The following PIP5K1B variants were observed in gnomAD, a reference collection of about 807,000 sequenced individuals.
PIP5K1B encodes phosphatidylinositol 4-phosphate 5-kinase type-1 beta.
In PIP5K1B, 42 loss-of-function variants were observed where a neutral mutation model predicts 67.0. That is an observed-to-expected ratio of 0.63 (90% confidence interval 0.49 to 0.81). The LOEUF is 0.81. Among genes scored for constraint, PIP5K1B ranks in the 30% least tolerant of loss-of-function variants. The pLI, the probability that PIP5K1B is intolerant of heterozygous loss-of-function variation, is 0.00. For missense variants in PIP5K1B, 459 were observed against 646.3 expected (o/e 0.71, Z 3.14); for synonymous variants, 214 against 231.4 (o/e 0.92, Z 0.68).
chr9:68,792,449 CAT>C (rs953129198), intron 2 of PIP5K1B, among the ~76,000 whole-genome samples: 6 of 131,646 alleles, frequency 4.6e-5, no homozygotes, highest in Admixed American at 1.6e-4. Context: ...TACTGTGGCA[CAT>C]GTGTTTTTTT....
chr9:68,836,470 G>A (rs1834613889), intron 4 of PIP5K1B, among the ~76,000 whole-genome samples: 1 of 152,116 alleles, frequency 6.6e-6, no homozygotes, highest in Admixed American at 6.5e-5. Context: ...GTTTTCCAAG[G>A]AAGTATTCAA....
At chr9:68,927,226 C>T (rs960996974) in intron 12 of PIP5K1B, among the ~76,000 whole-genome samples, 6 of 152,138 alleles carry the variant, frequency 3.9e-5, no homozygotes, top group African/African-American at 9.7e-5. Flanking sequence ...AATGCTGTTA[C>T]GAACATTCAT....
intron 2 of PIP5K1B, among the ~76,000 whole-genome samples, chr9:68,768,674 T>TA (rs1241891635): frequency 6.6e-6 from 1 of 152,240 alleles, no homozygotes; most frequent in Non-Finnish European, 1.5e-5. Flanking sequence ...TCCACATTTT[T>TA]AAAAATCTAG....
chr9:68,929,444 C>T (rs775661502), intron 12 of PIP5K1B, among the ~76,000 whole-genome samples: 22 of 152,260 alleles, frequency 1.4e-4, no homozygotes, highest in Non-Finnish European at 2.4e-4. Flanking sequence ...ACCTCCTCAA[C>T]GATCTGTCTC....
intron 1 of PIP5K1B, among the ~76,000 whole-genome samples, chr9:68,714,242 C>T (rs1180764226): frequency 6.6e-6 from 1 of 152,184 alleles, no homozygotes; most frequent in East Asian, 1.9e-4. Context: ...TTCTCCACAT[C>T]TGATACTCCT....
At chr9:68,743,994 G>A (rs1049783580) in intron 2 of PIP5K1B, among the ~76,000 whole-genome samples, 2 of 152,208 alleles carry the variant, frequency 1.3e-5, no homozygotes, top group African/African-American at 4.8e-5. Context: ...GAGGATCAGG[G>A]CTGAGCTTAG....
intron 4 of PIP5K1B, among the ~76,000 whole-genome samples, chr9:68,835,678 T>C (rs1384308290): frequency 6.6e-6 from 1 of 152,186 alleles, no homozygotes; most frequent in African/African-American, 2.4e-5. Context: ...CCCATTCCAA[T>C]TGCAGATTGG....
chr9:68,944,190 A>G (rs1340783154), intron 14 of PIP5K1B, among the ~76,000 whole-genome samples: 1 of 152,242 alleles, frequency 6.6e-6, no homozygotes, highest in African/African-American at 2.4e-5. Context: ...ATTGCTTCCT[A>G]GTTAACTAGC....
rs1587363070 is a variant in PIP5K1B, at chr9:68,736,091, G to A, written c.-242-6410G>A. On this transcript the variant is annotated intron_variant, in intron 1 of 15. Transcript: ENST00000265382. ...AAGCGCATGTGAGTGGCTGTCGTGG[G>A]AGCTGTGTACTGCTGTGGAGTTGGG... Among the ~76,000 whole-genome samples, 3 of 152,284 alleles carry A rather than the reference G, an allele frequency of 2.0e-5. No homozygotes were observed. The South Asian group carries it at 6.2e-4, about 32-fold the overall frequency.
chr9:68,723,976 A>T (rs1828029120), intron 1 of PIP5K1B, among the ~76,000 whole-genome samples: 2 of 151,476 alleles, frequency 1.3e-5, no homozygotes, highest in African/African-American at 4.8e-5. Context: ...TTTTCCCAAA[A>T]TTTTTTTCAG....
At chr9:68,796,807 G>A (rs752827057) in intron 2 of PIP5K1B, among the ~76,000 whole-genome samples, 4 of 152,164 alleles carry the variant, frequency 2.6e-5, no homozygotes, top group Non-Finnish European at 5.9e-5. Context: ...GGTCACCACC[G>A]TTTCCGTCTT....
At chr9:68,983,080 G>A (rs1450034240) in intron 14 of PIP5K1B, among the ~76,000 whole-genome samples, 1 of 152,158 alleles carries the variant, frequency 6.6e-6, no homozygotes, top group Admixed American at 6.5e-5. Flanking sequence ...TAATGTGACA[G>A]TGTTAAACTG....
rs77055624 is a variant in PIP5K1B, at chr9:68,900,139, T to C, written c.771+5501T>C. Among the ~76,000 whole-genome samples the C allele has an allele frequency of 4.7e-3, 720 of 152,362 alleles. 3 individuals are homozygous for C. Among genetic ancestry groups the C allele is most frequent in the Non-Finnish European group, 6.1e-3 (413 of 68,038 alleles). On this transcript the variant is annotated intron_variant, in intron 8 of 15. Transcript: ENST00000265382. The stretch of plus-strand genomic sequence containing the variant: ...TACATAGTATTCTGTGTTGCGTATG[T>C]ACCATATTTTCATTATCCAGTCCAC...
intron 1 of PIP5K1B, among the ~76,000 whole-genome samples, chr9:68,734,741 A>G (rs927437230): frequency 6.6e-6 from 1 of 152,250 alleles, no homozygotes; most frequent in African/African-American, 2.4e-5. Flanking sequence ...ATGCTTATCT[A>G]TAAATCCACA....
At chr9:68,925,345 C>T (rs189079289) in intron 12 of PIP5K1B, among the ~76,000 whole-genome samples, 9 of 152,254 alleles carry the variant, frequency 5.9e-5, no homozygotes, top group Middle Eastern at 3.4e-3. Flanking sequence ...AAGGTTCCCA[C>T]GAGGCCATGA....
intron 2 of PIP5K1B, among the ~76,000 whole-genome samples, chr9:68,750,280 T>C (rs1035122391): frequency 2.0e-5 from 3 of 152,228 alleles, no homozygotes; most frequent in African/African-American, 7.2e-5. Context: ...CCCTCCCCTC[T>C]CACCTTTCAG....
chr9:68,898,474 G>A (rs916767627), intron 8 of PIP5K1B, among the ~76,000 whole-genome samples: 102 of 152,134 alleles, frequency 6.7e-4, no homozygotes, highest in African/African-American at 2.3e-3. Context: ...GTACTACAAA[G>A]ACATCACAGA....
chr9:68,922,523 A>G (rs1375515743), intron 11 of PIP5K1B, among the ~76,000 whole-genome samples: 1 of 152,204 alleles, frequency 6.6e-6, no homozygotes, highest in Non-Finnish European at 1.5e-5. Flanking sequence ...GCATTATAGA[A>G]GCAAATTTAC....
rs569677316 is a variant in PIP5K1B, at chr9:68,852,356, C to G, written c.70-11481C>G. 3.9e-5 allele frequency among the ~76,000 whole-genome samples: 6 copies of G among 152,190 alleles called. No homozygotes were observed. In the South Asian group the frequency reaches 1.2e-3, roughly 32 times the overall value. ...TTACCCGCCTCCCCCACACCGCCCC[C>G]CAAGCCATAAAAAGGTAAGAGAATG... is the stretch of plus-strand genomic sequence containing the variant. On this transcript the variant is annotated intron_variant, in intron 4 of 15. Transcript: ENST00000265382.
Sources: gnomAD v4.1 joint callset for allele counts (sites outside exome capture counted in the v4.1 genomes callset) on GRCh38, gnomAD v4.1.1 for gene constraint, MANE v1.5 for transcripts, NCBI Gene and HGNC (gene_info 2026-07-23, HGNC 2026-07-21) for gene names.